Variants in KRT72 observed in about 807,000 individuals in gnomAD.
The protein encoded by KRT72 is keratin, type II cytoskeletal 72.
A neutral mutation model predicts 44.7 loss-of-function variants in KRT72; 44 were observed. The ratio of observed to expected loss-of-function variants is 0.98; its 90% confidence interval spans 0.77 to 1.27. The LOEUF is 1.27. Ranked by LOEUF, KRT72 falls within the 50% of genes most tolerant of loss-of-function variation. The probability of loss-of-function intolerance (pLI) is 0.00; values close to 1 mark genes in which losing one functional copy is unlikely to be tolerated. For synonymous variants in KRT72, 302 were observed against 280.4 expected (o/e 1.08, Z -0.77); for missense variants, 736 against 667.1 (o/e 1.10, Z -1.14).
chr12:52,593,688 G>GAA (rs35814847), intron 2 of KRT72, among the ~76,000 whole-genome samples: 7 of 152,032 alleles, frequency 4.6e-5, no homozygotes, highest in African/African-American at 1.2e-4. Context: ...GACTTAGAAA[G>GAA]AAAAAAAATT....
intron 6 of KRT72, among the ~76,000 whole-genome samples, 190 bp from the exon 7 acceptor site, chr12:52,588,041 T>C (rs927888279): frequency 6.6e-6 from 1 of 152,228 alleles, no homozygotes; most frequent in African/African-American, 2.4e-5. Flanking sequence ...CCCTGGCTCA[T>C]GCCTCTGCAT....
At chr12:52,601,684 G>A (rs3912633), upstream of KRT72, 215,002 of 554,916 alleles carry the variant, frequency 0.39, 43,615 homozygotes, top group East Asian at 0.55. Flanking sequence ...ATGAATCCCT[G>A]TAAAGTGACC....
chr12:52,592,828 C>T, intron 3 of KRT72, 64 bp downstream of exon 3: 3 of 1,448,858 alleles, frequency 2.1e-6, no homozygotes, highest in South Asian at 1.2e-5. Flanking sequence ...CCTCACCCTA[C>T]AAGCATCATT....
intron 6 of KRT72, among the ~76,000 whole-genome samples, chr12:52,590,064 AG>A (rs2120735403): frequency 6.6e-6 from 1 of 151,928 alleles, no homozygotes; most frequent in Non-Finnish European, 1.5e-5. Context: ...GGTGCAGGGG[AG>A]GGTAAGGAGA....
upstream of KRT72, chr12:52,601,464 AC>A: frequency 6.5e-7 from 1 of 1,533,650 alleles, no homozygotes; most frequent in Non-Finnish European, 8.7e-7. Flanking sequence ...GCTCGCAAGT[AC>A]CGGTGCTGGC....
chr12:52,595,024 C>T (rs1940187833), intron 2 of KRT72, among the ~76,000 whole-genome samples: 2 of 152,106 alleles, frequency 1.3e-5, no homozygotes, highest in Non-Finnish European at 2.9e-5. Context: ...ATAATGTCTA[C>T]CCCCTCTTAA....
chr12:52,594,705 C>T (rs1216898276), intron 2 of KRT72, among the ~76,000 whole-genome samples: 1 of 152,098 alleles, frequency 6.6e-6, no homozygotes, highest in African/African-American at 2.4e-5. Flanking sequence ...ACATATGTAG[C>T]AAACCTGCAC....
intron 2 of KRT72, among the ~76,000 whole-genome samples, chr12:52,595,030 C>G (rs1940188054): frequency 6.6e-6 from 1 of 152,136 alleles, no homozygotes; most frequent in African/African-American, 2.4e-5. Context: ...TCTACCCCCT[C>G]TTAATAAAAA....
At chr12:52,595,324 C>A (rs144532286) in intron 2 of KRT72, among the ~76,000 whole-genome samples, 31 of 152,048 alleles carry the variant, frequency 2.0e-4, no homozygotes, top group Middle Eastern at 3.4e-3. Context: ...ATATTGATTT[C>A]TCTTGTTTTA....
intron 2 of KRT72, among the ~76,000 whole-genome samples, chr12:52,596,780 A>T (rs1005591857): frequency 5.9e-5 from 9 of 152,048 alleles, no homozygotes; most frequent in African/African-American, 2.2e-4. Flanking sequence ...CGAACTCTTG[A>T]GCTCAAATGA....
rs376773990 is a variant in KRT72 at position 52,591,517 on chromosome 12, C to T, written c.910G>A (p.Glu304Lys). ...GCCTTGCTCTTTAGGGCAATCTCCT[C>T]GTACTGGGCACGGACCTCGGCAATG... ...SIIAEVRAQY[E>K]EIALKSKAEA... The change falls in exon 5 of 9, where the codon GAG becomes AAG. Residue 304 changes from glutamate to lysine, a missense_variant. Transcript: ENST00000293745. The T allele has an allele frequency of 2.0e-5, 32 of 1,613,990 alleles. No individual in the cohort carries two copies. The highest frequency in any genetic ancestry group is 5.3e-5 in the African/African-American group (4 of 74,930).
intron 2 of KRT72, among the ~76,000 whole-genome samples, chr12:52,593,243 C>T (rs1940117496): frequency 6.6e-6 from 1 of 152,154 alleles, no homozygotes; most frequent in African/African-American, 2.4e-5. Flanking sequence ...CACAATTAGC[C>T]CCTCCCACAT....
In KRT72 at chr12:52,585,685, C is replaced by T. The variant is rs1232932527; in HGVS notation, c.*297G>A. The T allele has an allele frequency of 6.3e-6, 2 of 316,630 alleles. No individual in the cohort carries two copies. Among genetic ancestry groups the T allele is most frequent in the Non-Finnish European group, 1.2e-5 (2 of 171,294 alleles). The allele number at this position is 316,630 out of a possible 1,614,324, so 19.6% of individuals were successfully genotyped here. On this transcript the variant is annotated 3_prime_UTR_variant, in exon 9 of 9. Coordinates refer to ENST00000293745, the MANE Select transcript of KRT72 (RefSeq NM_080747.3). ...CTTGGTAGTGAAGGCCCAAGAAAGG[C>T]ATGGGGGCAGAGGGGCTTGTAGCTG...
chr12:52,602,684 C>T (rs1449737356), upstream of KRT72, among the ~76,000 whole-genome samples: 1 of 152,196 alleles, frequency 6.6e-6, no homozygotes, highest in Non-Finnish European at 1.5e-5. Flanking sequence ...TCAGCCCAGG[C>T]CTTGGCCAAA....
intron 1 of KRT72, chr12:52,599,387 C>T (rs1384163977): frequency 7.5e-6 from 4 of 536,750 alleles, no homozygotes; most frequent in Admixed American, 2.2e-5. Context: ...GGTAGCTTCT[C>T]ATGCTATAAA....
At chr12:52,594,425 A>C (rs566106896) in intron 2 of KRT72, among the ~76,000 whole-genome samples, 2 of 148,432 alleles carry the variant, frequency 1.3e-5, no homozygotes, top group East Asian at 5.2e-4. Flanking sequence ...AATACTATGC[A>C]GCCATAAAAA....
rs1258616553 is a variant in KRT72, at chr12:52,601,104, C to T, written c.349G>A (p.Glu117Lys). Residue 117 changes from glutamate (E) to lysine (K), a missense_variant, in exon 1 of 9, where the codon GAG (glutamate) becomes AAG (lysine). Physicochemically the swap from Glu to Lys is moderately conservative, Grantham distance 56. Transcript: ENST00000293745. ...TCCTGGGCGCGCACCCTCTGGATCTCGGGGTCCATCTCCACGTTGAGCGGG... is the reference window on the plus strand; with the variant it reads ...TCCTGGGCGCGCACCCTCTGGATCTTGGGGTCCATCTCCACGTTGAGCGGG... Reference protein sequence around the residue: ...LAPLNVEMDPEIQRVRAQERE... With the variant: ...LAPLNVEMDPKIQRVRAQERE... The T allele has an allele frequency of 6.2e-7, 1 of 1,612,708 alleles. No homozygotes were observed.
At chr12:52,594,356 A>C (rs1266230225) in intron 2 of KRT72, among the ~76,000 whole-genome samples, 1 of 152,216 alleles carries the variant, frequency 6.6e-6, no homozygotes, top group African/African-American at 2.4e-5. Context: ...CTTGGAATCA[A>C]CCCAAATGTC....
At chr12:52,600,728 C>CTT (rs11437152) in intron 1 of KRT72, among the ~76,000 whole-genome samples, 72 of 148,706 alleles carry the variant, frequency 4.8e-4, no homozygotes, top group East Asian at 1.8e-3. Context: ...AATGAAACCT[C>CTT]TTTTTTTTTT....
Sources: gnomAD v4.1 joint callset for allele counts (sites outside exome capture counted in the v4.1 genomes callset) on GRCh38, gnomAD v4.1.1 for gene constraint, MANE v1.5 for transcripts, NCBI Gene and HGNC (gene_info 2026-07-23, HGNC 2026-07-21) for gene names.